AP4M1: variants seen among roughly 807,000 people sequenced by gnomAD.
AP4M1 encodes the protein adaptor related protein complex 4 subunit mu 1.
A neutral mutation model predicts 62.4 loss-of-function variants in AP4M1; 58 were observed. The observed-to-expected ratio is 0.93, with a 90% CI of 0.75 to 1.16. AP4M1 has a LOEUF of 1.16. Ranked by LOEUF, AP4M1 falls within the 50% of genes most tolerant of loss-of-function variation. AP4M1 has a pLI of 0.00. For synonymous variants in AP4M1, 290 were observed against 239.7 expected (o/e 1.21, Z -1.94); for missense variants, 626 against 585.4 (o/e 1.07, Z -0.72).
Position 100,108,485 on chromosome 7 carries a change from G to T in AP4M1, c.*1603G>T, listed in dbSNP as rs749664890. Reference sequence around the variant, plus strand: ...AAGGGACCCGAATTCTGCCCGATAGGCGTCCTGATTGTCAGGCGGTGGGCG... The same window carrying T: ...AAGGGACCCGAATTCTGCCCGATAGTCGTCCTGATTGTCAGGCGGTGGGCG... On this transcript the variant is annotated 3_prime_UTR_variant, in exon 15 of 15. Transcript: ENST00000359593. 1.2e-6 allele frequency: 2 copies of T among 1,613,908 alleles called. No homozygotes were observed. Among genetic ancestry groups the T allele is most frequent in the Non-Finnish European group, 1.7e-6 (2 of 1,179,802 alleles).
chr7:100,105,353 G>T lies in AP4M1; in HGVS notation c.834+7G>T. On this transcript the variant is annotated splice_region_variant and intron_variant, in intron 10 of 14. Coordinates refer to ENST00000359593, the MANE Select transcript of AP4M1 (RefSeq NM_004722.4). ...GCAACCACCTCAGGGCGAGGTCAGG[G>T]TTGGGGTGGCCTCATAAATTCCGTC... 3 of 1,614,102 alleles carry T rather than the reference G, an allele frequency of 1.9e-6. No individual in the cohort carries two copies. Among genetic ancestry groups the T allele is most frequent in the Non-Finnish European group, 2.5e-6 (3 of 1,179,982 alleles).
rs763657555 is a variant in AP4M1, at chr7:100,107,674, C to A, written c.*792C>A. 3 of 1,591,216 alleles carry A rather than the reference C, an allele frequency of 1.9e-6. No individual in the cohort carries two copies. The highest frequency in any genetic ancestry group is 1.8e-5 in the Admixed American group (1 of 54,496). On this transcript the variant is annotated 3_prime_UTR_variant, in exon 15 of 15. Coordinates refer to ENST00000359593, the MANE Select transcript of AP4M1 (RefSeq NM_004722.4). Reference sequence around the variant, plus strand: ...CTTGCCCTGTGCCCTCCCTGCCCCCCAGAGGCCTGGCGAGGACGCTTCACT... The same window carrying A: ...CTTGCCCTGTGCCCTCCCTGCCCCCAAGAGGCCTGGCGAGGACGCTTCACT...
At chr7:100,106,128 G>A in intron 12 of AP4M1, 113 bp from the exon 13 acceptor site, 1 of 1,547,090 alleles carries the variant, frequency 6.5e-7, no homozygotes, top group East Asian at 2.3e-5. Context: ...AGAGGCTGTA[G>A]AATTTGGGAA....
intron 11 of AP4M1, 76 bp from the exon 12 acceptor site, chr7:100,105,883 T>G: frequency 6.6e-7 from 1 of 1,515,236 alleles, no homozygotes. Context: ...CAGCCCCACA[T>G]GGAGGTCCCT....
At chr7:100,102,292 G>C (rs1394007690) in intron 2 of AP4M1, 3 of 544,552 alleles carry the variant, frequency 5.5e-6, no homozygotes, top group Non-Finnish European at 9.9e-6. Flanking sequence ...TCGGGAAGCT[G>C]AGGCTTGAGA....
intron 2 of AP4M1, 69 bp downstream of exon 2, chr7:100,102,037 AGGACT>A: frequency 6.5e-7 from 1 of 1,547,002 alleles, no homozygotes; most frequent in Non-Finnish European, 8.9e-7. Context: ...GCTCCCTCCC[AGGACT>A]GGTTCATTGG....
At position 100,107,715 on chromosome 7, in the gene AP4M1, C is replaced by A; in HGVS notation, c.*833C>A. On this transcript the variant is annotated 3_prime_UTR_variant, in exon 15 of 15. Coordinates refer to ENST00000359593, the MANE Select transcript of AP4M1 (RefSeq NM_004722.4). ...ACGCTTCACTCGCTCCCTGCCTGAA[C>A]AAGTTGTTCCTGTAGTTCACCCTGT... The A allele has an allele frequency of 6.6e-7, 1 of 1,525,960 alleles. No individual in the cohort carries two copies. 94.5% of individuals were successfully genotyped at this position (1,525,960 alleles called of 1,614,324 possible).
At chr7:100,103,035 T>C in intron 4 of AP4M1, 75 bp downstream of exon 4, 1 of 1,262,574 alleles carries the variant, frequency 7.9e-7, no homozygotes, top group African/African-American at 1.5e-5. Context: ...TACTGTGGGA[T>C]GCCGTGGTTA....
Position 100,108,012 on chromosome 7 carries a change from G to A in AP4M1, c.*1130G>A, listed in dbSNP as rs764406707. The A allele has an allele frequency of 5.0e-6, 8 of 1,613,820 alleles. No homozygotes were observed. Among genetic ancestry groups the A allele is most frequent in the East Asian group, 2.2e-5 (1 of 44,876 alleles). ...GAAGGCTGTGGTGGGGCAGCCGCTC[G>A]TGCAGACACCAGTGTCTGGACAGGA... On this transcript the variant is annotated 3_prime_UTR_variant, in exon 15 of 15. Coordinates refer to ENST00000359593, the MANE Select transcript of AP4M1 (RefSeq NM_004722.4).
At chr7:100,102,631 C>T (rs1267410865) in intron 2 of AP4M1, 44 bp from the exon 3 acceptor site, 5 of 1,572,598 alleles carry the variant, frequency 3.2e-6, no homozygotes, top group South Asian at 1.1e-5. Context: ...GATCACTCCA[C>T]CTCCCTTTTT....
Position 100,107,238 on chromosome 7 carries a change from G to A in AP4M1, c.*356G>A, listed in dbSNP as rs1562915765. 2.6e-6 allele frequency: 4 copies of A among 1,521,580 alleles called. No individual in the cohort carries two copies. Among genetic ancestry groups the A allele is most frequent in the South Asian group, 1.3e-5 (1 of 75,480 alleles). The allele number at this position is 1,521,580 out of a possible 1,614,324, so 94.3% of individuals were successfully genotyped here. A position where few individuals can be genotyped will look rare whatever the true frequency, so the allele number is the denominator to read the frequency against. ...TGTGTGGGAATCCGGGGGCTGGCAG[G>A]TGGAGCATCACGGAGCAGGCTGAGG... On this transcript the variant is annotated 3_prime_UTR_variant, in exon 15 of 15. Coordinates refer to ENST00000359593, the MANE Select transcript of AP4M1 (RefSeq NM_004722.4).
At position 100,103,609 on chromosome 7, in the gene AP4M1, C is replaced by T. The variant is rs1272768042; in HGVS notation, c.463-3C>T. Reference sequence around the variant, plus strand: ...ATGATTGATTGCTTTGGATGCTTTACAGTTTGGGGCTGAGACACAACAGAG... The same window carrying T: ...ATGATTGATTGCTTTGGATGCTTTATAGTTTGGGGCTGAGACACAACAGAG... On this transcript the variant is annotated splice_polypyrimidine_tract_variant and splice_region_variant and intron_variant, in intron 5 of 14. Coordinates refer to ENST00000359593, the MANE Select transcript of AP4M1 (RefSeq NM_004722.4). 6.2e-7 allele frequency: 1 copy of T among 1,614,056 alleles called. No homozygotes were observed. The highest frequency in any genetic ancestry group is 8.5e-7 in the Non-Finnish European group (1 of 1,180,008).
upstream of AP4M1, chr7:100,101,344 C>T (rs372575996): frequency 1.5e-4 from 237 of 1,610,704 alleles, no homozygotes; most frequent in Non-Finnish European, 1.6e-4. Flanking sequence ...AGGTCTTGCT[C>T]CTGGGGAAGC....
At chr7:100,101,590 G>C, upstream of AP4M1, 1 of 1,079,658 alleles carries the variant, frequency 9.3e-7, no homozygotes, top group South Asian at 1.3e-5. Context: ...CCCGCGGTCC[G>C]AGCTGGCGCG....
At position 100,101,920 on chromosome 7, in the gene AP4M1, C is replaced by T. The variant is rs746654394; in HGVS notation, c.99C>T (p.Phe33=). 6.2e-7 allele frequency: 1 copy of T among 1,613,120 alleles called. No individual in the cohort carries two copies. The highest frequency in any genetic ancestry group is 8.5e-7 in the Non-Finnish European group (1 of 1,179,962). The change falls in exon 2 of 15, where the codon TTC becomes TTT. Residue 33 remains phenylalanine (F), a synonymous_variant. Coordinates refer to ENST00000359593, the MANE Select transcript of AP4M1 (RefSeq NM_004722.4). ...GCGGCCGGGATGTGGCCGAGCTCTT[C>T]TACCGGAAGCTGACGGGACTGCCAG... ...DSGGRDVAEL[F]YRKLTGLPGD...
At position 100,107,341 on chromosome 7, in the gene AP4M1, TC is replaced by T; in HGVS notation, c.*465del. 6.5e-7 allele frequency: 1 copy of T among 1,547,720 alleles called. No individual in the cohort carries two copies. The highest frequency in any genetic ancestry group is 8.7e-7 in the Non-Finnish European group (1 of 1,146,174). ...GGGGGACTGTCCCCAGCCTCCTGCTTCCCCCCACAAAGGGCACTGCCGCTGA... is the reference window on the plus strand; with the variant it reads ...GGGGGACTGTCCCCAGCCTCCTGCTTCCCCCACAAAGGGCACTGCCGCTGA... On this transcript the variant is annotated 3_prime_UTR_variant, in exon 15 of 15. Coordinates refer to ENST00000359593, the MANE Select transcript of AP4M1 (RefSeq NM_004722.4).
At chr7:100,105,685 A>T in intron 11 of AP4M1, 146 bp downstream of exon 11, 1 of 911,566 alleles carries the variant, frequency 1.1e-6, no homozygotes, top group Admixed American at 2.0e-5. Flanking sequence ...GGTGGCTCAC[A>T]CCTGTAATCC....
intron 6 of AP4M1, 85 bp downstream of exon 6, chr7:100,103,777 C>A: frequency 6.9e-7 from 1 of 1,459,654 alleles, no homozygotes; most frequent in Non-Finnish European, 9.5e-7. Flanking sequence ...CACAGCGGCT[C>A]ACGCCTGTAG....
At position 100,106,517 on chromosome 7, in the gene AP4M1, A is replaced by AT; in HGVS notation, c.1137+5dup. The stretch of plus-strand genomic sequence containing the variant: ...CTCAACTCTCAGGCCTTTTCCAGGT[A>AT]TTCGCTGTGGACCCCCAGCCCCTCT... On this transcript the variant is annotated splice_donor_region_variant and intron_variant, in intron 14 of 14. Coordinates refer to ENST00000359593, the MANE Select transcript of AP4M1 (RefSeq NM_004722.4). 1 of 1,612,444 alleles carries AT rather than the reference A, an allele frequency of 6.2e-7. No homozygotes were observed. The highest frequency in any genetic ancestry group is 2.2e-5 in the East Asian group (1 of 44,852).
Sources: gnomAD v4.1 joint callset for allele counts on GRCh38, gnomAD v4.1.1 for gene constraint, MANE v1.5 for transcripts, NCBI Gene and HGNC (gene_info 2026-07-23, HGNC 2026-07-21) for gene names.